The following PRKN variants were observed in gnomAD, a reference collection of about 807,000 sequenced individuals.
PRKN encodes parkin RBR E3 ubiquitin protein ligase, also known as E3 ubiquitin-protein ligase parkin.
A neutral mutation model predicts 59.5 loss-of-function variants in PRKN; 56 were observed. The observed-to-expected ratio is 0.94, with a 90% CI of 0.76 to 1.18. The LOEUF (loss-of-function observed/expected upper bound fraction) is 1.18, where lower values mean the gene tolerates loss of function less well. Among genes scored for constraint, PRKN ranks in the 50% most tolerant of loss-of-function variants. PRKN has a pLI of 0.00. For missense variants in PRKN, 657 were observed against 596.4 expected (o/e 1.10, Z -1.06); for synonymous variants, 250 against 222.1 (o/e 1.13, Z -1.12).
intron 1 of PRKN, among the ~76,000 whole-genome samples, chr6:162,587,154 T>G (rs1439115283): frequency 3.3e-5 from 5 of 152,170 alleles, no homozygotes; most frequent in Admixed American, 1.3e-4. Context: ...TTTGCTTTTT[T>G]GAGATGGAGT....
intron 6 of PRKN, among the ~76,000 whole-genome samples, chr6:161,953,205 G>A (rs1354829881): frequency 1.3e-5 from 2 of 152,052 alleles, no homozygotes; most frequent in African/African-American, 2.4e-5. Flanking sequence ...TCCACCTCCC[G>A]GGTTCAAGTG....
intron 2 of PRKN, among the ~76,000 whole-genome samples, chr6:162,430,158 TGACGAC>T (rs35797400): frequency 1.4e-5 from 2 of 144,178 alleles, no homozygotes; most frequent in Non-Finnish European, 3.0e-5. Flanking sequence ...ATGATGACGA[TGACGAC>T]GACGACGACG....
rs112274012 is a variant in PRKN, at chr6:161,456,849, TG to T, written c.1084-69973del. 1.3e-5 allele frequency among the ~76,000 whole-genome samples: 2 copies of T among 151,958 alleles called. No individual in the cohort carries two copies. The highest frequency in any genetic ancestry group is 4.8e-5 in the African/African-American group (2 of 41,266). ...CTCAGGGCTTCCTCAGGAGAAGAGATGGTCTCATTGCTCAGGGAACCTTTTC... is the reference window on the plus strand; with the variant it reads ...CTCAGGGCTTCCTCAGGAGAAGAGATGTCTCATTGCTCAGGGAACCTTTTC... On this transcript the variant is annotated intron_variant, in intron 9 of 11. Transcript: ENST00000366898. This position sits in a 1 kb window ranked among gnomAD's most constrained non-coding sequence, Gnocchi z 4.8.
chr6:162,430,291 C>T (rs536883064), intron 2 of PRKN, among the ~76,000 whole-genome samples: 1 of 152,250 alleles, frequency 6.6e-6, no homozygotes, highest in Admixed American at 6.5e-5. Context: ...CTTGTAGCAA[C>T]CCCATGAGGT....
At position 162,426,291 on chromosome 6, in the gene PRKN, C is replaced by CTA. The variant is rs1474918689; in HGVS notation, c.171+17017_171+17018dup. Among the ~76,000 whole-genome samples, 8 of 152,156 alleles carry CTA rather than the reference C, an allele frequency of 5.3e-5. No individual in the cohort carries two copies. The South Asian group carries it at 1.7e-3, about 32-fold the overall frequency. On this transcript the variant is annotated intron_variant, in intron 2 of 11. Coordinates refer to ENST00000366898, the MANE Select transcript of PRKN (RefSeq NM_004562.3). ...AAATAGATCCAGGTATACATAGAAA[C>CTA]TATATATATGTCAAAGGTGTCCTTA... is the stretch of plus-strand genomic sequence containing the variant.
chr6:162,255,837 A>G (rs1307042789), intron 3 of PRKN, among the ~76,000 whole-genome samples: 1 of 152,200 alleles, frequency 6.6e-6, no homozygotes, highest in Middle Eastern at 3.2e-3. Flanking sequence ...CGTAGTATAT[A>G]CCAGGAACTG....
At chr6:161,779,446 T>C (rs1196482007) in intron 7 of PRKN, among the ~76,000 whole-genome samples, 1 of 91,450 alleles carries the variant, frequency 1.1e-5, no homozygotes, top group African/African-American at 4.1e-5. Context: ...TTTTCTTTTT[T>C]TTTTTTTTTT....
intron 1 of PRKN, among the ~76,000 whole-genome samples, chr6:162,444,505 C>CA: frequency 6.6e-6 from 1 of 151,772 alleles, no homozygotes; most frequent in East Asian, 1.9e-4. Context: ...AAAAAAATCA[C>CA]AAAAAACTGC....
chr6:162,101,464 C>T (rs192793611), intron 4 of PRKN, among the ~76,000 whole-genome samples: 7 of 151,566 alleles, frequency 4.6e-5, no homozygotes, highest in Non-Finnish European at 7.4e-5. Context: ...GTCAGGAGAT[C>T]GAGACCATCC....
At chr6:161,599,735 G>A (rs766780066) in intron 7 of PRKN, among the ~76,000 whole-genome samples, 35 of 152,022 alleles carry the variant, frequency 2.3e-4, no homozygotes, top group African/African-American at 8.0e-4. Flanking sequence ...ATAGGGATGG[G>A]GTAACATAAT....
chr6:162,451,767 T>C (rs1790638000), intron 1 of PRKN, among the ~76,000 whole-genome samples: 3 of 152,162 alleles, frequency 2.0e-5, no homozygotes, highest in African/African-American at 4.8e-5. Context: ...ATCTAATATA[T>C]ATGTTGTTGG....
intron 4 of PRKN, among the ~76,000 whole-genome samples, chr6:162,162,087 T>C (rs1433205722): frequency 1.3e-5 from 2 of 152,156 alleles, no homozygotes; most frequent in Non-Finnish European, 2.9e-5. Context: ...GCATTTTATT[T>C]ATTTATTCAT....
At chr6:161,993,610 T>C (rs1781731438) in intron 5 of PRKN, among the ~76,000 whole-genome samples, 1 of 152,190 alleles carries the variant, frequency 6.6e-6, no homozygotes, top group African/African-American at 2.4e-5. Context: ...CAGCATTACA[T>C]TGATACCAAA....
chr6:161,999,605 G>A (rs910370875), intron 5 of PRKN, among the ~76,000 whole-genome samples: 8 of 152,164 alleles, frequency 5.3e-5, no homozygotes, highest in South Asian at 4.2e-4. Context: ...CACAATGCCC[G>A]AGCCAAGAAG....
At chr6:162,346,967 T>G (rs1468711904) in intron 2 of PRKN, among the ~76,000 whole-genome samples, 1 of 151,958 alleles carries the variant, frequency 6.6e-6, no homozygotes, top group Non-Finnish European at 1.5e-5. Flanking sequence ...AACATTTTAA[T>G]TTCAGATTTA....
chr6:162,657,975 A>G (rs1778713979), intron 1 of PRKN, among the ~76,000 whole-genome samples: 1 of 152,212 alleles, frequency 6.6e-6, no homozygotes, highest in Non-Finnish European at 1.5e-5. Context: ...CTTAAAAAAT[A>G]TAATACTATA....
At chr6:162,445,514 C>T (rs955027537) in intron 1 of PRKN, among the ~76,000 whole-genome samples, 1 of 151,502 alleles carries the variant, frequency 6.6e-6, no homozygotes, top group Non-Finnish European at 1.5e-5. Flanking sequence ...AAGTGAGACC[C>T]CATCTCTACA....
intron 6 of PRKN, among the ~76,000 whole-genome samples, chr6:161,838,426 G>C (rs942400440): frequency 3.3e-5 from 5 of 152,286 alleles, no homozygotes; most frequent in East Asian, 1.9e-4. Context: ...ATCACTGCAG[G>C]CTGCATGCCT....
Position 162,332,545 on chromosome 6 carries a change from T to C in PRKN, c.172-69780A>G, listed in dbSNP as rs564192937. The stretch of plus-strand genomic sequence containing the variant: ...ATAAACCCATGCCATCACTAGCCCA[T>C]ATGGCCCTTCATGAAAAATTGGAAA... On this transcript the variant is annotated intron_variant, in intron 2 of 11. Coordinates refer to ENST00000366898, the MANE Select transcript of PRKN (RefSeq NM_004562.3). Among the ~76,000 whole-genome samples, 43 of 152,280 alleles carry C rather than the reference T, an allele frequency of 2.8e-4. 1 individual carries two copies. In the South Asian group the frequency reaches 8.9e-3, roughly 32 times the overall value.
Sources: gnomAD v4.1 joint callset for allele counts (sites outside exome capture counted in the v4.1 genomes callset) on GRCh38, gnomAD v4.1.1 for gene constraint, Gnocchi (gnomAD v3.1) non-coding constraint, MANE v1.5 for transcripts, NCBI Gene and HGNC (gene_info 2026-07-23, HGNC 2026-07-21) for gene names.